The following CAMK2B variants were observed in gnomAD, a reference collection of about 807,000 sequenced individuals.
CAMK2B encodes the protein calcium/calmodulin-dependent protein kinase type II subunit beta.
A neutral mutation model predicts 93.7 loss-of-function variants in CAMK2B; 27 were observed. That is an observed-to-expected ratio of 0.29 (90% confidence interval 0.21 to 0.40). The LOEUF (loss-of-function observed/expected upper bound fraction) is 0.40. Among genes scored for constraint, CAMK2B ranks in the 10% least tolerant of loss-of-function variants. The pLI, the probability that CAMK2B is intolerant of heterozygous loss-of-function variation, is 1.00. For synonymous variants in CAMK2B, 374 were observed against 358.8 expected (o/e 1.04, Z -0.48); for missense variants, 568 against 895.8 (o/e 0.63, Z 4.67).
rs1404762128 is a variant in CAMK2B at position 44,225,002 on chromosome 7, T to G, written c.1597+1514A>C. Among the ~76,000 whole-genome samples the G allele has an allele frequency of 1.3e-5, 2 of 151,954 alleles. No homozygotes were observed. Among genetic ancestry groups the G allele is most frequent in the African/African-American group, 4.8e-5 (2 of 41,384 alleles). ...AGGAGGGCCACACGAATCTCCATCCTGCCCTGCTCACAGCTCCTTCCTGCA... is the reference window on the plus strand; with the variant it reads ...AGGAGGGCCACACGAATCTCCATCCGGCCCTGCTCACAGCTCCTTCCTGCA... On this transcript the variant is annotated intron_variant, in intron 20 of 23. Coordinates refer to ENST00000395749, the MANE Select transcript of CAMK2B (RefSeq NM_001220.5). This position sits in a 1 kb window ranked among gnomAD's most constrained non-coding sequence, Gnocchi z 5.0.
intron 6 of CAMK2B, among the ~76,000 whole-genome samples, chr7:44,244,528 C>T (rs913095495): frequency 6.6e-6 from 1 of 152,052 alleles, no homozygotes; most frequent in African/African-American, 2.4e-5. Flanking sequence ...CCCAGGCCAC[C>T]CCTTTGCCCT....
intron 2 of CAMK2B, among the ~76,000 whole-genome samples, chr7:44,277,510 T>A (rs1001449241): frequency 1.3e-5 from 2 of 152,148 alleles, no homozygotes; most frequent in African/African-American, 4.8e-5. Context: ...CCGCTTCTCA[T>A]CACCAGGAGC....
intron 5 of CAMK2B, among the ~76,000 whole-genome samples, chr7:44,251,854 C>T (rs1002215857): frequency 1.3e-5 from 2 of 152,202 alleles, no homozygotes; most frequent in Admixed American, 1.3e-4. Context: ...GGAACCTGAA[C>T]AGCCCGAGCA....
At chr7:44,257,099 C>G (rs2096840656) in intron 4 of CAMK2B, among the ~76,000 whole-genome samples, 1 of 152,194 alleles carries the variant, frequency 6.6e-6, no homozygotes, top group Non-Finnish European at 1.5e-5. Flanking sequence ...AGGCCTGGTT[C>G]TCAAGCCCTG....
chr7:44,245,964 TGGAAGGAAGGAAAGGGA>T (rs1020537627), intron 6 of CAMK2B, among the ~76,000 whole-genome samples: 2 of 151,224 alleles, frequency 1.3e-5, no homozygotes, highest in African/African-American at 4.9e-5. Flanking sequence ...GAAAGGAGAT[TGGAAGGAAGGAAAGGGA>T]GGAAGGAAGG....
chr7:44,236,014 C>T (rs1401959630), intron 13 of CAMK2B, among the ~76,000 whole-genome samples: 1 of 152,224 alleles, frequency 6.6e-6, no homozygotes, highest in Non-Finnish European at 1.5e-5. Context: ...GCAGAATCGC[C>T]CTGTACAGTC....
chr7:44,270,530 G>A lies in CAMK2B; in HGVS notation c.161-7466C>T, dbSNP rs114427274. Among the ~76,000 whole-genome samples the A allele has an allele frequency of 4.3e-3, 657 of 152,316 alleles. 5 individuals are homozygous for A. Among genetic ancestry groups the A allele is most frequent in the African/African-American group, 0.015 (633 of 41,568 alleles). On this transcript the variant is annotated intron_variant, in intron 2 of 23. Transcript: ENST00000395749. ...TGGCTGAAGGTGCTGTGATGTCAGC[G>A]CCATGCTCCAGAACTCAGGCCCTAC...
Position 44,297,884 on chromosome 7 carries a change from G to A in CAMK2B, c.66-13659C>T, listed in dbSNP as rs186650016. Among the ~76,000 whole-genome samples the A allele has an allele frequency of 3.9e-3, 599 of 152,326 alleles. 4 individuals carry two copies. Among genetic ancestry groups the A allele is most frequent in the Middle Eastern group, 0.014 (4 of 294 alleles). ...CACGTCTGTAATCCCAGCACTTTGG[G>A]AGGCCATGGAGGGTGGGTCACTTGA... On this transcript the variant is annotated intron_variant, in intron 1 of 23. Coordinates refer to ENST00000395749, the MANE Select transcript of CAMK2B (RefSeq NM_001220.5).
intron 2 of CAMK2B, among the ~76,000 whole-genome samples, chr7:44,283,361 G>A (rs918346042): frequency 7.9e-5 from 12 of 152,316 alleles, no homozygotes; most frequent in African/African-American, 2.9e-4. Context: ...GAGACCCCGT[G>A]AGGGCAGGAG....
intron 2 of CAMK2B, among the ~76,000 whole-genome samples, chr7:44,274,046 A>T (rs2129064505): frequency 6.6e-6 from 1 of 151,846 alleles, no homozygotes; most frequent in Admixed American, 6.5e-5. Context: ...GCCCCCTACC[A>T]CCTCCGGATG....
chr7:44,298,807 C>A (rs1441707185), intron 1 of CAMK2B, among the ~76,000 whole-genome samples: 1 of 152,114 alleles, frequency 6.6e-6, no homozygotes, highest in African/African-American at 2.4e-5. Flanking sequence ...TGAGAGAAAT[C>A]AAATCAAAAC....
intron 1 of CAMK2B, among the ~76,000 whole-genome samples, chr7:44,287,833 T>C (rs369887916): frequency 1.3e-5 from 2 of 152,330 alleles, no homozygotes; most frequent in East Asian, 1.9e-4. Context: ...TCTTTAGATA[T>C]TGCACCTCCC....
chr7:44,278,414 G>A (rs1256522288), intron 2 of CAMK2B, among the ~76,000 whole-genome samples: 2 of 152,210 alleles, frequency 1.3e-5, no homozygotes, highest in African/African-American at 2.4e-5. Context: ...GGGCAGTCAG[G>A]GTTGAAGCAG....
At chr7:44,280,935 G>A (rs767278497) in intron 2 of CAMK2B, among the ~76,000 whole-genome samples, 1 of 152,200 alleles carries the variant, frequency 6.6e-6, no homozygotes, top group Non-Finnish European at 1.5e-5. Flanking sequence ...TGAGGGGAAG[G>A]GGGTGCCTGG....
chr7:44,240,670 G>C (rs1314204379), intron 12 of CAMK2B, 37 bp downstream of exon 12: 4 of 1,610,486 alleles, frequency 2.5e-6, no homozygotes, highest in Non-Finnish European at 2.5e-6. Flanking sequence ...CAGCAGGGAG[G>C]GGGCAGCGCC....
At chr7:44,234,756 C>A (rs1030422193) in intron 13 of CAMK2B, 80 bp from the exon 14 acceptor site, 9 of 1,452,718 alleles carry the variant, frequency 6.2e-6, no homozygotes, top group Non-Finnish European at 8.6e-6. Context: ...CTTTGCCTGA[C>A]CCCACTCTTT....
intron 1 of CAMK2B, among the ~76,000 whole-genome samples, chr7:44,308,875 G>A (rs562172093): frequency 8.5e-5 from 13 of 152,288 alleles, no homozygotes; most frequent in African/African-American, 2.2e-4. Flanking sequence ...ATCCCTCCCC[G>A]GGGCCTCTGT....
At chr7:44,229,313 C>G in intron 18 of CAMK2B, 75 bp downstream of exon 18, 1 of 989,560 alleles carries the variant, frequency 1.0e-6, no homozygotes, top group Non-Finnish European at 1.5e-6. Context: ...CTGCCCTCGG[C>G]TCTGGAGTGG....
intron 17 of CAMK2B, 188 bp from the exon 18 acceptor site, chr7:44,229,689 G>A (rs973575285): frequency 2.5e-5 from 12 of 479,188 alleles, no homozygotes; most frequent in Non-Finnish European, 7.3e-6. Flanking sequence ...GCAGGTATGT[G>A]AAGGCTGAAG....
Sources: allele counts gnomAD v4.1 joint callset (sites outside exome capture counted in the v4.1 genomes callset), GRCh38; gene constraint gnomAD v4.1.1; non-coding constraint Gnocchi (gnomAD v3.1); transcripts MANE v1.5; gene names NCBI Gene and HGNC (gene_info 2026-07-23, HGNC 2026-07-21).